COL6A5: variants seen among roughly 807,000 people sequenced by gnomAD.
COL6A5 encodes the protein collagen type VI alpha 5 chain, also known as collagen alpha-5(VI) chain.
Under a neutral mutation model 65.6 loss-of-function variants are expected in COL6A5, and 48 were observed. That is an observed-to-expected ratio of 0.73 (90% confidence interval 0.58 to 0.93). COL6A5 has a LOEUF of 0.93. COL6A5 is among the 40% of genes least tolerant of loss of function. COL6A5 has a pLI of 0.00. For missense variants in COL6A5, 914 were observed against 928.3 expected (o/e 0.98, Z 0.20); for synonymous variants, 291 against 322.8 (o/e 0.90, Z 1.05).
chr3:130,481,212 A>T (rs745413777), intron 7 of COL6A5, among the ~76,000 whole-genome samples: 5 of 111,094 alleles, frequency 4.5e-5, no homozygotes, highest in Non-Finnish European at 7.4e-5. Flanking sequence ...CCACCCCCCG[A>T]CAAGCCCCAG....
At chr3:130,483,434 T>C (rs751069721) in intron 7 of COL6A5, among the ~76,000 whole-genome samples, 1 of 152,170 alleles carries the variant, frequency 6.6e-6, no homozygotes, top group African/African-American at 2.4e-5. Context: ...GACTGGGAAA[T>C]TGGATAAAGA....
At chr3:130,388,343 T>TATGC (rs71620080) in intron 5 of COL6A5, among the ~76,000 whole-genome samples, 5 of 151,130 alleles carry the variant, frequency 3.3e-5, no homozygotes, top group Admixed American at 6.6e-5. Context: ...ATAAATGAGT[T>TATGC]ATGCATGCAT....
chr3:130,484,303 C>T (rs1577554743), exon 8 of COL6A5: 6 of 512,842 alleles, frequency 1.2e-5, no homozygotes, highest in East Asian at 9.0e-5. Flanking sequence ...CTGGGGAAAC[C>T]GACCTATAAG....
chr3:130,411,899 T>C (rs1187643137), intron 20 of COL6A5, among the ~76,000 whole-genome samples: 2 of 152,146 alleles, frequency 1.3e-5, no homozygotes, highest in African/African-American at 2.4e-5. Context: ...CAAGGCAACA[T>C]TGATATGAAA....
intron 8 of COL6A5, among the ~76,000 whole-genome samples, chr3:130,395,735 G>A (rs1936578683): frequency 1.3e-5 from 2 of 152,160 alleles, no homozygotes; most frequent in Admixed American, 6.5e-5. Context: ...CGGCAATCCA[G>A]TGTTTATTCT....
At chr3:130,469,974 A>G (rs577930492) in intron 6 of COL6A5, among the ~76,000 whole-genome samples, 5 of 152,034 alleles carry the variant, frequency 3.3e-5, no homozygotes, top group Non-Finnish European at 7.4e-5. Flanking sequence ...AACCCTTAGC[A>G]AGGTGTAATG....
chr3:130,387,820 T>C (rs984519474), intron 5 of COL6A5, among the ~76,000 whole-genome samples: 2 of 152,004 alleles, frequency 1.3e-5, no homozygotes, highest in Non-Finnish European at 1.5e-5. Flanking sequence ...ATACACAACA[T>C]ATGTATCATG....
exon 8 of COL6A5, chr3:130,395,398 T>A: frequency 1.9e-6 from 3 of 1,547,638 alleles, no homozygotes; most frequent in Non-Finnish European, 8.7e-7. Flanking sequence ...AAGACTTTGA[T>A]AAATTAAAGA....
chr3:130,393,435 C>T (rs959695281), intron 7 of COL6A5, among the ~76,000 whole-genome samples: 2 of 152,176 alleles, frequency 1.3e-5, no homozygotes, highest in Admixed American at 6.6e-5. Flanking sequence ...CACATATTTG[C>T]TGTTTTCCTA....
At position 130,391,524 on chromosome 3, in the gene COL6A5, T is replaced by C. The variant is rs370011826; in HGVS notation, c.2762T>C (p.Ile921Thr). 3.2e-6 allele frequency: 5 copies of C among 1,551,572 alleles called. No individual in the cohort carries two copies. In the African/African-American group the frequency reaches 6.8e-5, roughly 21 times the overall value. The stretch of plus-strand genomic sequence containing the variant: ...AAGCAAAATGTGAAGCAGATGCTGA[T>C]TGTCATCACCGATGGGGAATCCCAT... Residue 921 changes from isoleucine (I) to threonine (T), a missense_variant and NMD_transcript_variant, in exon 7 of 42, where the codon ATT becomes ACT. Ile to Thr is a moderately conservative substitution (Grantham distance 89, BLOSUM62 -1). Transcript: ENST00000312481.
chr3:130,434,389 A>G (rs373375243), intron 1 of COL6A5, among the ~76,000 whole-genome samples: 5 of 152,236 alleles, frequency 3.3e-5, no homozygotes, highest in African/African-American at 1.2e-4. Flanking sequence ...TAGTGCTGCA[A>G]TAAACATATG....
intron 4 of COL6A5, among the ~76,000 whole-genome samples, chr3:130,384,041 A>G (rs1936096301): frequency 6.6e-6 from 1 of 152,120 alleles, no homozygotes; most frequent in Admixed American, 6.6e-5. Flanking sequence ...AAGAAGATAG[A>G]CAATGACAGG....
At chr3:130,477,064 G>C in intron 7 of COL6A5, 1 of 1,512,700 alleles carries the variant, frequency 6.6e-7, no homozygotes, top group East Asian at 2.5e-5. Flanking sequence ...ACAGACATCT[G>C]AAGCATCTTA....
chr3:130,413,446 A>G (rs958495519), intron 20 of COL6A5, 99 bp from the exon 21 acceptor site: 7 of 1,131,468 alleles, frequency 6.2e-6, no homozygotes, highest in Non-Finnish European at 9.1e-6. Flanking sequence ...TGAGCTGCTC[A>G]TTACTTATGT....
At chr3:130,479,272 G>A (rs1189814813) in intron 7 of COL6A5, among the ~76,000 whole-genome samples, 1 of 152,032 alleles carries the variant, frequency 6.6e-6, no homozygotes, top group Non-Finnish European at 1.5e-5. Context: ...ACTAGATGCC[G>A]AATGGGCCAG....
At chr3:130,455,920 C>A (rs1254172392) in intron 5 of COL6A5, among the ~76,000 whole-genome samples, 1 of 152,036 alleles carries the variant, frequency 6.6e-6, no homozygotes, top group Non-Finnish European at 1.5e-5. Context: ...TCTCTAGCAT[C>A]CACAGTTTAG....
In COL6A5 at chr3:130,376,501, G is replaced by C. The variant is rs765775678; in HGVS notation, c.332G>C (p.Gly111Ala). 5.2e-5 allele frequency: 84 copies of C among 1,605,456 alleles called. No homozygotes were observed. The Admixed American group carries it at 1.4e-3, about 27-fold the overall frequency. ...TTCATTGGCGGGTCCCTGCAGATAG[G>C]AAAGGCTCTTCAGGAGGCTCATAGG... The change falls in exon 3 of 42, where the codon GGA becomes GCA. Residue 111 changes from glycine to alanine, a missense_variant and NMD_transcript_variant. Coordinates refer to the COL6A5 transcript ENST00000312481.
chr3:130,445,480 AC>A (rs1709283907), intron 4 of COL6A5, among the ~76,000 whole-genome samples: 1 of 152,192 alleles, frequency 6.6e-6, no homozygotes, highest in African/African-American at 2.4e-5. Flanking sequence ...CTGTATGGGA[AC>A]AGTCAGGTTG....
At chr3:130,484,416 A>G (rs1710324117) in exon 8 of COL6A5, 1 of 405,220 alleles carries the variant, frequency 2.5e-6, no homozygotes, top group Non-Finnish European at 4.3e-6. Flanking sequence ...TGTATCTCAG[A>G]TTGGACTCCT....
Sources: gnomAD v4.1 joint callset for allele counts (sites outside exome capture counted in the v4.1 genomes callset) on GRCh38, gnomAD v4.1.1 for gene constraint, MANE v1.5 for transcripts, NCBI Gene and HGNC (gene_info 2026-07-23, HGNC 2026-07-21) for gene names.